Variants in GRM5 observed in about 807,000 individuals in gnomAD.
GRM5 encodes the protein metabotropic glutamate receptor 5.
In GRM5, 19 loss-of-function variants were observed where a neutral mutation model predicts 83.1. That is an observed-to-expected ratio of 0.23 (90% confidence interval 0.16 to 0.34). The LOEUF (loss-of-function observed/expected upper bound fraction) is 0.34, where lower values mean the gene tolerates loss of function less well. Ranked by LOEUF, GRM5 falls within the 10% of genes least tolerant of loss-of-function variation. The pLI is 1.00. For missense variants in GRM5, 1,160 were observed against 1,588.3 expected (o/e 0.73, Z 4.58); for synonymous variants, 675 against 633.6 (o/e 1.07, Z -0.98).
intron 3 of GRM5, among the ~76,000 whole-genome samples, chr11:88,668,207 A>C (rs1323360444): frequency 1.2e-5 from 1 of 80,340 alleles, no homozygotes; most frequent in Non-Finnish European, 3.0e-5. Flanking sequence ...CATCTGCAGA[A>C]ACTCGCACAC....
chr11:88,525,485 C>T (rs1313426068), intron 8 of GRM5, 81 bp from the exon 9 acceptor site: 1 of 849,678 alleles, frequency 1.2e-6, no homozygotes, highest in African/African-American at 1.7e-5. Context: ...ACGGCCGTGA[C>T]TGTGGAGATG....
At chr11:88,671,700 A>G (rs1940198026) in intron 3 of GRM5, among the ~76,000 whole-genome samples, 1 of 152,118 alleles carries the variant, frequency 6.6e-6, no homozygotes, top group South Asian at 2.1e-4. Context: ...TTCCACTTAC[A>G]TAAAATTTTG....
At chr11:88,833,939 T>C (rs1472015333) in intron 3 of GRM5, among the ~76,000 whole-genome samples, 1 of 152,266 alleles carries the variant, frequency 6.6e-6, no homozygotes, top group East Asian at 1.9e-4. Flanking sequence ...TGGAAGTGGA[T>C]ACCAGAGGCT....
At chr11:88,713,764 T>C (rs999794927) in intron 3 of GRM5, among the ~76,000 whole-genome samples, 7 of 152,008 alleles carry the variant, frequency 4.6e-5, no homozygotes, top group Non-Finnish European at 1.0e-4. Flanking sequence ...TGAAGGGACA[T>C]TTTAGGAGAC....
chr11:88,859,640 A>C (rs1944529733), intron 2 of GRM5, among the ~76,000 whole-genome samples: 1 of 152,092 alleles, frequency 6.6e-6, no homozygotes. Context: ...ATTCTGTCAA[A>C]TTTCAAAGCC....
chr11:88,719,887 C>A (rs1020004291), intron 3 of GRM5, among the ~76,000 whole-genome samples: 1 of 152,030 alleles, frequency 6.6e-6, no homozygotes, highest in Admixed American at 6.6e-5. Flanking sequence ...TGTTCATGTC[C>A]TTTGCCCACT....
In GRM5 at chr11:88,898,994, C is replaced by A. The variant is rs544582247; in HGVS notation, c.662-48839G>T. On this transcript the variant is annotated intron_variant, in intron 2 of 9. Coordinates refer to ENST00000305447, the MANE Select transcript of GRM5 (RefSeq NM_001143831.3). ...AGTGGGTCAGAGTTTAGGTGGTATT[C>A]GAACGAATCAAAGGGATATACGTAT... Among the ~76,000 whole-genome samples, 3 of 151,918 alleles carry A rather than the reference C, an allele frequency of 2.0e-5. No individual in the cohort carries two copies. In the South Asian group the frequency reaches 6.2e-4, roughly 32 times the overall value.
At chr11:88,767,161 T>C (rs948904546) in intron 3 of GRM5, among the ~76,000 whole-genome samples, 1 of 151,842 alleles carries the variant, frequency 6.6e-6, no homozygotes, top group African/African-American at 2.4e-5. Flanking sequence ...GAATGGCTAT[T>C]ATGTAAAATT....
chr11:88,700,089 A>G (rs1374716187), intron 3 of GRM5, among the ~76,000 whole-genome samples: 4 of 152,172 alleles, frequency 2.6e-5, no homozygotes, highest in Admixed American at 1.3e-4. Context: ...ATAAGTATGA[A>G]TTATTGGACA....
intron 4 of GRM5, among the ~76,000 whole-genome samples, chr11:88,628,732 A>G (rs774148748): frequency 1.1e-4 from 17 of 152,210 alleles, no homozygotes; most frequent in Non-Finnish European, 2.2e-4. Flanking sequence ...AGTAGCTGCT[A>G]TGACAACAGA....
chr11:88,546,093 C>T (rs986477835), intron 8 of GRM5, among the ~76,000 whole-genome samples: 4 of 151,924 alleles, frequency 2.6e-5, no homozygotes, highest in Admixed American at 2.6e-4. Flanking sequence ...ATACATACCT[C>T]CACCTCCCAG....
In GRM5 at chr11:89,009,080, T is replaced by C. The variant is rs1334207887; in HGVS notation, c.661+38132A>G. 5 of 744,052 alleles carry C rather than the reference T, an allele frequency of 6.7e-6. No individual in the cohort carries two copies. In the East Asian group the frequency reaches 1.0e-4, roughly 15 times the overall value. 46.1% of individuals were successfully genotyped at this position (744,052 alleles called of 1,614,324 possible). Reference sequence around the variant, plus strand: ...TGTCTGATCCCTCTTACGCATCTCTTCCTTCTTTGTCCCTCTACCTAAAAA... The same window carrying C: ...TGTCTGATCCCTCTTACGCATCTCTCCCTTCTTTGTCCCTCTACCTAAAAA... On this transcript the variant is annotated intron_variant, in intron 2 of 9. Coordinates refer to ENST00000305447, the MANE Select transcript of GRM5 (RefSeq NM_001143831.3).
intron 2 of GRM5, among the ~76,000 whole-genome samples, chr11:88,990,980 C>A (rs1305581229): frequency 1.3e-5 from 2 of 152,172 alleles, no homozygotes; most frequent in African/African-American, 4.8e-5. Context: ...TCTCACCACT[C>A]CTATTCAACA....
intron 2 of GRM5, among the ~76,000 whole-genome samples, chr11:88,853,922 A>G (rs1033603916): frequency 1.3e-5 from 2 of 151,564 alleles, no homozygotes; most frequent in African/African-American, 4.8e-5. Flanking sequence ...CTAAAAACAG[A>G]ATTATCATAT....
At chr11:88,513,264 C>T (rs1286631680) in intron 9 of GRM5, among the ~76,000 whole-genome samples, 2 of 152,144 alleles carry the variant, frequency 1.3e-5, no homozygotes, top group African/African-American at 4.8e-5. Flanking sequence ...AGGGTTTGCT[C>T]TTTCCTATAT....
At chr11:88,605,579 A>C (rs1207911115) in intron 4 of GRM5, among the ~76,000 whole-genome samples, 1 of 152,210 alleles carries the variant, frequency 6.6e-6, no homozygotes, top group Non-Finnish European at 1.5e-5. Context: ...AAGCTGTGTA[A>C]TTTATCATCT....
At chr11:88,974,165 CT>C (rs796213844) in intron 2 of GRM5, among the ~76,000 whole-genome samples, 1 of 152,076 alleles carries the variant, frequency 6.6e-6, no homozygotes, top group East Asian at 1.9e-4. Flanking sequence ...GAACCTGTGT[CT>C]TTTTTATCAA....
At chr11:88,570,052 G>A (rs948837416) in intron 7 of GRM5, among the ~76,000 whole-genome samples, 3 of 152,026 alleles carry the variant, frequency 2.0e-5, no homozygotes, top group African/African-American at 7.2e-5. Context: ...AAGAGAAGGG[G>A]AAGGGGAAAG....
chr11:88,800,259 C>T (rs1943363776), intron 3 of GRM5, among the ~76,000 whole-genome samples: 1 of 152,052 alleles, frequency 6.6e-6, no homozygotes, highest in Non-Finnish European at 1.5e-5. Context: ...CTCCTGATTC[C>T]TAACCTACTG....
Sources: allele counts gnomAD v4.1 joint callset (sites outside exome capture counted in the v4.1 genomes callset), GRCh38; gene constraint gnomAD v4.1.1; transcripts MANE v1.5; gene names NCBI Gene and HGNC (gene_info 2026-07-23, HGNC 2026-07-21).